Variants in SLC35A1 observed in about 807,000 individuals in gnomAD.
SLC35A1 encodes the protein solute carrier family 35 member A1.
In SLC35A1, 21 loss-of-function variants were observed where a neutral mutation model predicts 40.3. The ratio of observed to expected loss-of-function variants is 0.52; its 90% confidence interval spans 0.37 to 0.75. SLC35A1 has a LOEUF of 0.75. SLC35A1 is among the 30% of genes least tolerant of loss of function. SLC35A1 has a pLI of 0.00. For synonymous variants in SLC35A1, 146 were observed against 147.3 expected (o/e 0.99, Z 0.06); for missense variants, 297 against 382.1 (o/e 0.78, Z 1.86).
intron 2 of SLC35A1, among the ~76,000 whole-genome samples, chr6:87,495,117 G>A (rs953376640): frequency 3.3e-5 from 5 of 152,082 alleles, no homozygotes; most frequent in South Asian, 2.1e-4. Flanking sequence ...TTATAGGTGC[G>A]TAGCACCACA....
At chr6:87,481,980 A>C (rs1056588732) in intron 2 of SLC35A1, among the ~76,000 whole-genome samples, 10 of 152,216 alleles carry the variant, frequency 6.6e-5, no homozygotes, top group Admixed American at 1.3e-4. Flanking sequence ...CCTTTTACCA[A>C]AAGTATATTT....
chr6:87,495,587 A>C (rs1769701859), intron 2 of SLC35A1, among the ~76,000 whole-genome samples: 1 of 151,704 alleles, frequency 6.6e-6, no homozygotes, highest in Non-Finnish European at 1.5e-5. Flanking sequence ...CATGTCCCTC[A>C]TATGAAGGGT....
rs62419374 is a variant in SLC35A1, at chr6:87,482,678, G to A, written c.194+5139G>A. On this transcript the variant is annotated intron_variant, in intron 2 of 7. Coordinates refer to ENST00000369552, the MANE Select transcript of SLC35A1 (RefSeq NM_006416.5). The stretch of plus-strand genomic sequence containing the variant: ...AAGGGAGTTCCTTCTAGGTCTGGTC[G>A]GACCTTTATATGGTAATTAATTAAG... Among the ~76,000 whole-genome samples the A allele has an allele frequency of 7.4e-3, 1,128 of 152,222 alleles. 4 individuals carry two copies. The highest frequency in any genetic ancestry group is 0.013 in the Non-Finnish European group (885 of 68,022).
At position 87,511,764 on chromosome 6, in the gene SLC35A1, G is replaced by C; in HGVS notation, c.*238G>C. On this transcript the variant is annotated 3_prime_UTR_variant, in exon 8 of 8. Coordinates refer to ENST00000369552, the MANE Select transcript of SLC35A1 (RefSeq NM_006416.5). ...TTTAGAATGAAGGAATTGTATTATTGTGTGTATATATAATTTGTAAATAAA... is the reference window on the plus strand; with the variant it reads ...TTTAGAATGAAGGAATTGTATTATTCTGTGTATATATAATTTGTAAATAAA... The C allele has an allele frequency of 2.0e-6, 1 of 510,502 alleles. No individual in the cohort carries two copies. The highest frequency in any genetic ancestry group is 3.5e-6 in the Non-Finnish European group (1 of 281,930). 31.6% of individuals were successfully genotyped at this position (510,502 alleles called of 1,614,324 possible).
rs762418655 is a variant in SLC35A1 at position 87,477,587 on chromosome 6, AGG to A, written c.194+50_194+51del. ...TGTTAAATTATTTTTCTACCTGGTG[AGG>A]GTATTTGTTAGAAAATTCAAGCTAC... On this transcript the variant is annotated intron_variant, in intron 2 of 7. Transcript: ENST00000369552. 3 of 1,461,246 alleles carry A rather than the reference AGG, an allele frequency of 2.1e-6. No individual in the cohort carries two copies. In the South Asian group the frequency reaches 3.4e-5, roughly 17 times the overall value. 90.5% of individuals were successfully genotyped at this position (1,461,246 alleles called of 1,614,324 possible).
chr6:87,500,211 T>G (rs1287691292), intron 2 of SLC35A1, among the ~76,000 whole-genome samples: 1 of 152,204 alleles, frequency 6.6e-6, no homozygotes, highest in African/African-American at 2.4e-5. Flanking sequence ...TTTTTATAGG[T>G]AATATCAACA....
At chr6:87,504,525 T>C (rs1770021369) in intron 4 of SLC35A1, among the ~76,000 whole-genome samples, 1 of 152,214 alleles carries the variant, frequency 6.6e-6, no homozygotes, top group African/African-American at 2.4e-5. Context: ...TTAATCTCTC[T>C]TGAATGTTCT....
In SLC35A1 at chr6:87,505,000, G is replaced by C. The variant is rs535425722; in HGVS notation, c.508-1382G>C. On this transcript the variant is annotated intron_variant, in intron 4 of 7. Coordinates refer to ENST00000369552, the MANE Select transcript of SLC35A1 (RefSeq NM_006416.5). ...ACTGGAAGGTTGGTTGAAACAGATT[G>C]CTAGGCCCATTCCCATAGTTTATGG... Among the ~76,000 whole-genome samples the C allele has an allele frequency of 1.8e-4, 27 of 152,318 alleles. No individual in the cohort carries two copies. In the South Asian group the frequency reaches 4.6e-3, roughly 26 times the overall value.
chr6:87,478,081 T>A (rs1263833859), intron 2 of SLC35A1, among the ~76,000 whole-genome samples: 4 of 151,564 alleles, frequency 2.6e-5, no homozygotes, highest in Non-Finnish European at 5.9e-5. Flanking sequence ...TCTTCCACAT[T>A]TTCAAGGTAA....
intron 2 of SLC35A1, among the ~76,000 whole-genome samples, chr6:87,493,457 T>A (rs1405802746): frequency 7.0e-6 from 1 of 142,692 alleles, no homozygotes; most frequent in East Asian, 2.0e-4. Flanking sequence ...CCTATCTAAA[T>A]CTAGTTGTGT....
chr6:87,477,655 C>T (rs1334540754), intron 2 of SLC35A1, 116 bp downstream of exon 2: 2 of 905,598 alleles, frequency 2.2e-6, no homozygotes, highest in Non-Finnish European at 3.5e-6. Flanking sequence ...TGTTTCTCAA[C>T]TAGGGGTGAT....
intron 4 of SLC35A1, among the ~76,000 whole-genome samples, chr6:87,505,161 G>A (rs1770039209): frequency 6.6e-6 from 1 of 152,142 alleles, no homozygotes; most frequent in Non-Finnish European, 1.5e-5. Context: ...TTATCTTCAT[G>A]CAAACAATTT....
chr6:87,501,385 T>G, intron 4 of SLC35A1, 75 bp downstream of exon 4: 1 of 1,395,098 alleles, frequency 7.2e-7, no homozygotes, highest in Non-Finnish European at 1.0e-6. Flanking sequence ...TCAGTTACAT[T>G]GATGCATGCA....
intron 6 of SLC35A1, 114 bp downstream of exon 6, chr6:87,508,710 C>G (rs1770164011): frequency 1.1e-6 from 1 of 904,180 alleles, no homozygotes; most frequent in Non-Finnish European, 1.7e-6. Flanking sequence ...ACTGTAAATA[C>G]CAGTTTGAAT....
chr6:87,500,056 A>G (rs1251809987), intron 2 of SLC35A1, among the ~76,000 whole-genome samples: 1 of 152,110 alleles, frequency 6.6e-6, no homozygotes, highest in Non-Finnish European at 1.5e-5. Flanking sequence ...GAGCTGAGAT[A>G]GCGCCACTGC....
At chr6:87,485,534 T>C (rs1026570297) in intron 2 of SLC35A1, among the ~76,000 whole-genome samples, 4 of 152,066 alleles carry the variant, frequency 2.6e-5, no homozygotes, top group Non-Finnish European at 5.9e-5. Context: ...GAGGCCAAGG[T>C]AGGAGGATTT....
rs779048225 is a variant in SLC35A1, at chr6:87,501,231, TAC to T, written c.430_431del (p.Gln144ValfsTer52). ...ATGTTAAACCGGACACTCAGCAAAT[TAC>T]AGTGGGTTTCAGTTTTTATGCTGTG... On this transcript the variant is annotated frameshift_variant, in exon 4 of 8. Transcript: ENST00000369552. LOFTEE classifies it high-confidence loss of function. The T allele has an allele frequency of 3.7e-6, 6 of 1,614,116 alleles. No individual in the cohort carries two copies. The highest frequency in any genetic ancestry group is 1.7e-6 in the Non-Finnish European group (2 of 1,179,992).
chr6:87,486,019 A>G (rs963390850), intron 2 of SLC35A1, among the ~76,000 whole-genome samples: 1 of 152,240 alleles, frequency 6.6e-6, no homozygotes, highest in African/African-American at 2.4e-5. Context: ...TTACACTGTG[A>G]TAAAGTACAA....
At chr6:87,506,134 G>A (rs551548666) in intron 4 of SLC35A1, among the ~76,000 whole-genome samples, 10 of 152,318 alleles carry the variant, frequency 6.6e-5, no homozygotes, top group African/African-American at 9.6e-5. Context: ...GAAACAGTGG[G>A]CACATATTAT....
Sources: gnomAD v4.1 joint callset for allele counts (sites outside exome capture counted in the v4.1 genomes callset) on GRCh38, gnomAD v4.1.1 for gene constraint, MANE v1.5 for transcripts, NCBI Gene and HGNC (gene_info 2026-07-23, HGNC 2026-07-21) for gene names.